The following HERC6 variants were observed in gnomAD, a reference collection of about 807,000 sequenced individuals.
The protein encoded by HERC6 is probable E3 ubiquitin-protein ligase HERC6.
In HERC6, 101 loss-of-function variants were observed where a neutral mutation model predicts 114.5. The observed-to-expected ratio is 0.88, with a 90% CI of 0.75 to 1.04. HERC6 has a LOEUF of 1.04. Among genes scored for constraint, HERC6 ranks in the 50% least tolerant of loss-of-function variants. HERC6 has a pLI of 0.00. For synonymous variants in HERC6, 408 were observed against 436.2 expected (o/e 0.94, Z 0.81); for missense variants, 1,133 against 1,230.9 (o/e 0.92, Z 1.19).
intron 11 of HERC6, 61 bp from the exon 12 acceptor site, chr4:88,413,016 C>T (rs1360140780): frequency 1.6e-6 from 2 of 1,231,436 alleles, no homozygotes; most frequent in African/African-American, 3.1e-5. Flanking sequence ...CAGCTTGCTT[C>T]TCACAATCCT....
intron 3 of HERC6, among the ~76,000 whole-genome samples, chr4:88,389,190 A>G (rs1487635308): frequency 1.3e-5 from 2 of 152,060 alleles, no homozygotes; most frequent in African/African-American, 4.8e-5. Flanking sequence ...TACTCCAGGA[A>G]TAGCAAAGGG....
rs6532068 is a variant in HERC6 at position 88,424,608 on chromosome 4, C to T, written c.1841C>T (p.Thr614Ile). The change falls in exon 15 of 23, where the codon ACC becomes ATC. Residue 614 changes from threonine to isoleucine, a missense_variant. This residue lies in a region of HERC6 where 735 missense variants were observed against 754.0 expected (regional missense o/e 0.97). Transcript: ENST00000264346. Reference sequence around the variant, plus strand: ...TTTATTTTTTAGATACCTGCAGAAACCCCCAGTCCTGTTATTTTCAGTGAT... The same window carrying T: ...TTTATTTTTTAGATACCTGCAGAAATCCCCAGTCCTGTTATTTTCAGTGAT... Reference protein sequence around the residue: ...FRDNHLIPAETPSPVIFSDFP... With the variant: ...FRDNHLIPAEIPSPVIFSDFP... 5.1e-3 allele frequency: 8,257 copies of T among 1,604,450 alleles called. 390 individuals are homozygous for T. In the African/African-American group the frequency reaches 0.098, roughly 19 times the overall value.
At position 88,414,506 on chromosome 4, in the gene HERC6, G is replaced by A. The variant is rs533771179; in HGVS notation, c.1558+1240G>A. 2.7e-3 allele frequency among the ~76,000 whole-genome samples: 410 copies of A among 152,228 alleles called. 1 individual carries two copies. The highest frequency in any genetic ancestry group is 4.4e-3 in the Non-Finnish European group (302 of 68,016). On this transcript the variant is annotated intron_variant, in intron 12 of 22. Transcript: ENST00000264346. ...TTCAGGGAGCGTCTATAAAGTGAAA[G>A]TAAGTTTACTAAGAAAGTAGAAGAA...
At chr4:88,436,061 G>A (rs149993727) in intron 18 of HERC6, among the ~76,000 whole-genome samples, 170 bp downstream of exon 18, 2 of 152,242 alleles carry the variant, frequency 1.3e-5, no homozygotes, top group African/African-American at 2.4e-5. Context: ...CCTTCAAAAT[G>A]GAGGAAAGCT....
At chr4:88,432,400 C>CAA (rs1235048258) in intron 17 of HERC6, among the ~76,000 whole-genome samples, 1 of 107,084 alleles carries the variant, frequency 9.3e-6, no homozygotes, top group Non-Finnish European at 2.0e-5. Context: ...GACTCCGGCT[C>CAA]AAAAAAAAAA....
chr4:88,435,565 AT>A (rs1738650125), intron 17 of HERC6, among the ~76,000 whole-genome samples, 159 bp from the exon 18 acceptor site: 1 of 152,170 alleles, frequency 6.6e-6, no homozygotes, highest in Non-Finnish European at 1.5e-5. Flanking sequence ...ATGTATTATA[AT>A]CTGTAGAAGA....
intron 13 of HERC6, among the ~76,000 whole-genome samples, chr4:88,422,754 T>C (rs1158328318): frequency 6.6e-6 from 1 of 152,214 alleles, no homozygotes; most frequent in Non-Finnish European, 1.5e-5. Context: ...ATGAAATTAT[T>C]TGGGGAATAT....
rs2148884401 is a variant in HERC6, at chr4:88,398,222, CT to C, written c.1092+18del. 1 of 1,511,386 alleles carries C rather than the reference CT, an allele frequency of 6.6e-7. No individual in the cohort carries two copies. Among genetic ancestry groups the C allele is most frequent in the Non-Finnish European group, 8.9e-7 (1 of 1,122,908 alleles). The allele number at this position is 1,511,386 out of a possible 1,614,324, so 93.6% of individuals were successfully genotyped here. On this transcript the variant is annotated intron_variant, in intron 8 of 22. Transcript: ENST00000264346. ...GACAACTCATCAGGTATCTATTATACTTTTTGTTCCTCTTAAAAATTATTTT... is the reference window on the plus strand; with the variant it reads ...GACAACTCATCAGGTATCTATTATACTTTTGTTCCTCTTAAAAATTATTTT...
At chr4:88,396,740 G>A (rs1735252948) in intron 6 of HERC6, 111 bp from the exon 7 acceptor site, 1 of 1,031,318 alleles carries the variant, frequency 9.7e-7, no homozygotes, top group Non-Finnish European at 1.3e-6. Context: ...TGCGTACTTA[G>A]TAAAAGTAAA....
chr4:88,428,776 T>C (rs1487744183), intron 16 of HERC6, 26 bp downstream of exon 16: 1 of 1,470,526 alleles, frequency 6.8e-7, no homozygotes. Context: ...TCATTGAACA[T>C]TTTTACTTCT....
At chr4:88,431,357 T>A in intron 17 of HERC6, 52 bp downstream of exon 17, 2 of 1,543,944 alleles carry the variant, frequency 1.3e-6, no homozygotes, top group Non-Finnish European at 1.7e-6. Context: ...GCACCCCATA[T>A]ACTGCAACAT....
chr4:88,382,230 C>T (rs770924730), intron 1 of HERC6, among the ~76,000 whole-genome samples: 3 of 152,170 alleles, frequency 2.0e-5, no homozygotes, highest in Non-Finnish European at 4.4e-5. Context: ...ATGATGTTCT[C>T]AACTCCAAAC....
intron 18 of HERC6, 29 bp downstream of exon 18, chr4:88,435,920 C>T (rs767617496): frequency 4.7e-5 from 71 of 1,526,878 alleles, no homozygotes; most frequent in Non-Finnish European, 5.9e-5. Flanking sequence ...TTTTCAGGAC[C>T]GTATCTAGTA....
intron 20 of HERC6, among the ~76,000 whole-genome samples, chr4:88,438,703 G>A (rs1002549010): frequency 9.2e-5 from 14 of 152,180 alleles, no homozygotes; most frequent in Admixed American, 9.2e-4. Context: ...AATGTTAAGA[G>A]TTTATTATCA....
At chr4:88,386,209 T>C (rs1405070522) in intron 3 of HERC6, among the ~76,000 whole-genome samples, 1 of 149,596 alleles carries the variant, frequency 6.7e-6, no homozygotes, top group Non-Finnish European at 1.5e-5. Context: ...CTTTTTTTTT[T>C]TTTTTTTCTT....
At chr4:88,437,659 G>C in intron 19 of HERC6, 52 bp from the exon 20 acceptor site, 2 of 1,116,884 alleles carry the variant, frequency 1.8e-6, no homozygotes. Context: ...ATGGGTGGTT[G>C]ATTATTCAAA....
In HERC6 at chr4:88,442,462, C is replaced by G. The variant is rs753346346; in HGVS notation, c.*2C>G. On this transcript the variant is annotated 3_prime_UTR_variant, in exon 23 of 23. Coordinates refer to ENST00000264346, the MANE Select transcript of HERC6 (RefSeq NM_017912.4). ...TCACCCATGCTCACACAGTCATAATCACCTCTGAGAGACTCAGGGTGGGCT... is the reference window on the plus strand; with the variant it reads ...TCACCCATGCTCACACAGTCATAATGACCTCTGAGAGACTCAGGGTGGGCT... 24 of 1,609,854 alleles carry G rather than the reference C, an allele frequency of 1.5e-5. No individual in the cohort carries two copies. Among genetic ancestry groups the G allele is most frequent in the Admixed American group, 8.4e-5 (5 of 59,854 alleles).
intron 2 of HERC6, among the ~76,000 whole-genome samples, chr4:88,383,912 C>T (rs1157696880): frequency 6.6e-6 from 1 of 151,876 alleles, no homozygotes; most frequent in African/African-American, 2.4e-5. Context: ...GAGATGTGAC[C>T]CTTTGATCTT....
At chr4:88,385,262 A>G (rs934368892) in intron 2 of HERC6, among the ~76,000 whole-genome samples, 7 of 152,210 alleles carry the variant, frequency 4.6e-5, no homozygotes, top group Admixed American at 2.6e-4. Context: ...AAAGTCCAAT[A>G]GCAATGGCTT....
Sources: gnomAD v4.1 joint callset for allele counts (sites outside exome capture counted in the v4.1 genomes callset) on GRCh38, gnomAD v4.1.1 for gene constraint, gnomAD v4.1.1 regional missense constraint, MANE v1.5 for transcripts, NCBI Gene and HGNC (gene_info 2026-07-23, HGNC 2026-07-21) for gene names.